FAT3: variants seen among roughly 807,000 people sequenced by gnomAD.
FAT3 encodes the protein FAT atypical cadherin 3.
Under a neutral mutation model 310.2 loss-of-function variants are expected in FAT3, and 95 were observed. The ratio of observed to expected loss-of-function variants is 0.31; its 90% CI spans 0.26 to 0.36. The LOEUF (loss-of-function observed/expected upper bound fraction) is 0.36, where lower values mean the gene tolerates loss of function less well. Ranked by LOEUF, FAT3 falls within the 10% of genes least tolerant of loss-of-function variation. The pLI, the probability that FAT3 is intolerant of heterozygous loss-of-function variation, is 1.00. For synonymous variants in FAT3, 2,314 were observed against 2,192.9 expected (o/e 1.06, Z -1.54); for missense variants, 5,408 against 5,715.6 (o/e 0.95, Z 1.74).
chr11:92,240,614 A>T (rs1864637000), intron 1 of FAT3, among the ~76,000 whole-genome samples: 1 of 151,506 alleles, frequency 6.6e-6, no homozygotes, highest in South Asian at 2.1e-4. Context: ...CCCAAACTGT[A>T]ATTGAAGGTT....
intron 2 of FAT3, 86 bp downstream of exon 2, chr11:92,355,490 A>G: frequency 1.5e-6 from 2 of 1,312,456 alleles, no homozygotes; most frequent in Non-Finnish European, 2.1e-6. Flanking sequence ...TTAGGACACT[A>G]AAATAGAATG....
chr11:92,520,089 A>G (rs1953631928), intron 2 of FAT3, among the ~76,000 whole-genome samples: 1 of 152,164 alleles, frequency 6.6e-6, no homozygotes, highest in South Asian at 2.1e-4. Context: ...CAACTCAAAT[A>G]TTCACCAATT....
chr11:92,739,605 T>C (rs578154336), intron 4 of FAT3, among the ~76,000 whole-genome samples: 1 of 152,312 alleles, frequency 6.6e-6, no homozygotes, highest in African/African-American at 2.4e-5. Context: ...TTAGAATCCC[T>C]GACATACTCT....
chr11:92,706,562 A>G (rs1944359764), intron 4 of FAT3, among the ~76,000 whole-genome samples: 2 of 152,156 alleles, frequency 1.3e-5, no homozygotes, highest in Admixed American at 6.5e-5. Context: ...TACATTCCAC[A>G]TCTCTCTATA....
At chr11:92,252,518 G>GAT (rs1336872809) in intron 1 of FAT3, among the ~76,000 whole-genome samples, 1 of 152,140 alleles carries the variant, frequency 6.6e-6, no homozygotes, top group Non-Finnish European at 1.5e-5. Context: ...GGTTCTTTGA[G>GAT]ATGACATCAA....
At chr11:92,328,310 T>G (rs572802996) in intron 1 of FAT3, among the ~76,000 whole-genome samples, 1 of 152,292 alleles carries the variant, frequency 6.6e-6, no homozygotes, top group South Asian at 2.1e-4. Flanking sequence ...GATGCTATAC[T>G]TCAGGGATAT....
intron 3 of FAT3, among the ~76,000 whole-genome samples, chr11:92,697,061 T>C (rs537581736): frequency 1.3e-5 from 2 of 152,328 alleles, no homozygotes; most frequent in East Asian, 1.9e-4. Flanking sequence ...AGGTTTCTAC[T>C]GTAGAATTTC....
chr11:92,249,138 G>A (rs529669524), intron 1 of FAT3, among the ~76,000 whole-genome samples: 35 of 152,216 alleles, frequency 2.3e-4, no homozygotes, highest in African/African-American at 7.9e-4. Flanking sequence ...TTATTTAAAA[G>A]TAAGTTAAAG....
chr11:92,707,733 T>C (rs1278290685), intron 4 of FAT3, among the ~76,000 whole-genome samples: 2 of 152,192 alleles, frequency 1.3e-5, no homozygotes, highest in Non-Finnish European at 2.9e-5. Flanking sequence ...GTTTATTTTA[T>C]GACACACACT....
intron 4 of FAT3, among the ~76,000 whole-genome samples, chr11:92,760,246 A>C (rs1946110365): frequency 6.6e-6 from 1 of 152,248 alleles, no homozygotes; most frequent in Non-Finnish European, 1.5e-5. Flanking sequence ...ATTTATCTTA[A>C]GTCTATTAAA....
At chr11:92,642,964 C>G (rs1231563407) in intron 3 of FAT3, among the ~76,000 whole-genome samples, 2 of 152,184 alleles carry the variant, frequency 1.3e-5, no homozygotes, top group African/African-American at 4.8e-5. Flanking sequence ...ATTCAATTAT[C>G]CTAGTGACCC....
intron 2 of FAT3, among the ~76,000 whole-genome samples, chr11:92,433,097 A>G (rs1950833635): frequency 1.3e-5 from 2 of 152,200 alleles, no homozygotes; most frequent in Non-Finnish European, 2.9e-5. Context: ...ATCAAGCTCA[A>G]GTGTCCCGGG....
intron 2 of FAT3, among the ~76,000 whole-genome samples, chr11:92,416,793 A>G (rs1353575610): frequency 6.6e-5 from 10 of 152,224 alleles, no homozygotes; most frequent in Admixed American, 6.5e-4. Flanking sequence ...GAACGCAGAC[A>G]GAAATTGGTG....
At chr11:92,862,519 A>G (rs966135693) in intron 21 of FAT3, among the ~76,000 whole-genome samples, 1 of 152,206 alleles carries the variant, frequency 6.6e-6, no homozygotes, top group Admixed American at 6.5e-5. Flanking sequence ...GAAGTTATAA[A>G]TGATTCATTG....
chr11:92,269,546 AAG>A (rs1296311307), intron 1 of FAT3, among the ~76,000 whole-genome samples: 2 of 152,152 alleles, frequency 1.3e-5, no homozygotes, highest in Non-Finnish European at 2.9e-5. Flanking sequence ...TATCTGTTGG[AAG>A]AGCCTTGTAG....
At chr11:92,558,489 A>G (rs2135461068) in intron 3 of FAT3, among the ~76,000 whole-genome samples, 1 of 151,900 alleles carries the variant, frequency 6.6e-6, no homozygotes, top group Admixed American at 6.6e-5. Context: ...GGTTATTTCT[A>G]GTAGGAAATA....
Position 92,352,671 on chromosome 11 carries a change from ATTGGTT to A in FAT3, c.560_565del (p.Ile187_Ser189delinsThr). On this transcript the variant is annotated inframe_deletion, in exon 2 of 28. Coordinates refer to ENST00000525166, the MANE Select transcript of FAT3 (RefSeq NM_001367949.2). ...CCAGGTGACTGCAACAGACGCAGAT[ATTGGTT>A]CCAATGGAGAATTCTACTACTACTT... 1 of 1,613,762 alleles carries A rather than the reference ATTGGTT, an allele frequency of 6.2e-7. No individual in the cohort carries two copies. Among genetic ancestry groups the A allele is most frequent in the South Asian group, 1.1e-5 (1 of 91,090 alleles).
chr11:92,386,243 G>T (rs1949615858), intron 2 of FAT3, among the ~76,000 whole-genome samples: 1 of 152,196 alleles, frequency 6.6e-6, no homozygotes, highest in African/African-American at 2.4e-5. Context: ...TTGTTATCTA[G>T]CTTGAAATCA....
chr11:92,491,148 C>T (rs1591361611), intron 2 of FAT3, among the ~76,000 whole-genome samples: 1 of 152,020 alleles, frequency 6.6e-6, no homozygotes, highest in African/African-American at 2.4e-5. Flanking sequence ...GATTCCTCTA[C>T]TTAGATGTCA....
Sources: gnomAD v4.1 joint callset for allele counts (sites outside exome capture counted in the v4.1 genomes callset) on GRCh38, gnomAD v4.1.1 for gene constraint, MANE v1.5 for transcripts, NCBI Gene and HGNC (gene_info 2026-07-23, HGNC 2026-07-21) for gene names.